C10orf90: variants seen among roughly 807,000 people sequenced by gnomAD.
C10orf90 encodes the protein (E2-independent) E3 ubiquitin-conjugating enzyme FATS.
In C10orf90, 56 loss-of-function variants were observed where a neutral mutation model predicts 62.5. The observed-to-expected ratio is 0.90, with a 90% CI of 0.72 to 1.12. C10orf90 has a LOEUF of 1.12. C10orf90 is among the 50% of genes most tolerant of loss of function. The probability of loss-of-function intolerance (pLI) is 0.00; values close to 1 mark genes in which losing one functional copy is unlikely to be tolerated. For synonymous variants in C10orf90, 386 were observed against 340.4 expected (o/e 1.13, Z -1.47); for missense variants, 970 against 880.4 (o/e 1.10, Z -1.29).
At chr10:126,458,004 C>T (rs1396943559) in intron 7 of C10orf90, among the ~76,000 whole-genome samples, 1 of 152,126 alleles carries the variant, frequency 6.6e-6, no homozygotes, top group African/African-American at 2.4e-5. Context: ...TATTTAGCCA[C>T]AGGGAAGGAT....
chr10:126,576,078 A>C (rs1336754939), intron 2 of C10orf90, among the ~76,000 whole-genome samples: 1 of 152,044 alleles, frequency 6.6e-6, no homozygotes, highest in African/African-American at 2.4e-5. Flanking sequence ...AAATGGGATT[A>C]TACAGCAAAC....
At position 126,436,024 on chromosome 10, in the gene C10orf90, A is replaced by T. The variant is rs71490769; in HGVS notation, c.2189-6174T>A. ...TAAGAGACAAAGGGTTCCCCATAAA[A>T]CCTATAGGAACTGCTAAGGAAGGCT... On this transcript the variant is annotated intron_variant, in intron 7 of 9. Transcript: ENST00000488181. 2.6e-5 allele frequency among the ~76,000 whole-genome samples: 4 copies of T among 152,164 alleles called. No homozygotes were observed. In the South Asian group the frequency reaches 8.3e-4, roughly 32 times the overall value.
At chr10:126,475,392 C>T (rs925783537) in intron 4 of C10orf90, among the ~76,000 whole-genome samples, 22 of 152,286 alleles carry the variant, frequency 1.4e-4, no homozygotes, top group Admixed American at 1.0e-3. Context: ...CTTGATGTTC[C>T]TAATCTTGAC....
Position 126,505,930 on chromosome 10 carries a change from G to A in C10orf90, c.406-845C>T, listed in dbSNP as rs1041783375. Among the ~76,000 whole-genome samples, 3 of 152,168 alleles carry A rather than the reference G, an allele frequency of 2.0e-5. No homozygotes were observed. The East Asian group carries it at 5.8e-4, about 29-fold the overall frequency. ...GATTGTGCCATTGCACTCCAGCCTAGGCACCAAGTGTGAAACTTCGTCTCT... is the reference window on the plus strand; with the variant it reads ...GATTGTGCCATTGCACTCCAGCCTAAGCACCAAGTGTGAAACTTCGTCTCT... On this transcript the variant is annotated intron_variant, in intron 3 of 9. Transcript: ENST00000488181.
chr10:126,438,382 C>A (rs572995335), intron 7 of C10orf90, among the ~76,000 whole-genome samples: 1 of 152,240 alleles, frequency 6.6e-6, no homozygotes, highest in African/African-American at 2.4e-5. Context: ...GTTTCCAAAG[C>A]AGACTATCAA....
chr10:126,560,172 A>G (rs1200188099), intron 2 of C10orf90, among the ~76,000 whole-genome samples: 1 of 152,158 alleles, frequency 6.6e-6, no homozygotes, highest in Non-Finnish European at 1.5e-5. Flanking sequence ...CTTGGCCAGC[A>G]AGAATTACTT....
intron 1 of C10orf90, among the ~76,000 whole-genome samples, chr10:126,665,833 G>A (rs72839101): frequency 6.6e-6 from 1 of 152,276 alleles, no homozygotes; most frequent in Non-Finnish European, 1.5e-5. Flanking sequence ...GAACTGCAAA[G>A]GAGAATTCCA....
At chr10:126,595,424 A>G (rs1180472272) in intron 2 of C10orf90, among the ~76,000 whole-genome samples, 1 of 152,212 alleles carries the variant, frequency 6.6e-6, no homozygotes, top group Non-Finnish European at 1.5e-5. Context: ...AAGTGACAGC[A>G]TCAGAAAAAG....
chr10:126,604,600 A>G (rs1206730871), intron 2 of C10orf90, among the ~76,000 whole-genome samples: 1 of 152,136 alleles, frequency 6.6e-6, no homozygotes, highest in African/African-American at 2.4e-5. Flanking sequence ...CCCCCAGCAA[A>G]GTTAATTTGG....
intron 7 of C10orf90, among the ~76,000 whole-genome samples, chr10:126,447,191 G>A (rs1231872728): frequency 6.6e-6 from 1 of 151,746 alleles, no homozygotes; most frequent in Non-Finnish European, 1.5e-5. Flanking sequence ...TACCTTGACT[G>A]TAAATAGATT....
At chr10:126,559,890 T>G (rs1864862649) in intron 2 of C10orf90, among the ~76,000 whole-genome samples, 1 of 152,344 alleles carries the variant, frequency 6.6e-6, no homozygotes, top group East Asian at 1.9e-4. Flanking sequence ...GAAATTCTAC[T>G]GAAATTAGAC....
intron 2 of C10orf90, among the ~76,000 whole-genome samples, chr10:126,575,629 C>T (rs551731210): frequency 5.5e-4 from 83 of 151,968 alleles, no homozygotes; most frequent in South Asian, 3.9e-3. Flanking sequence ...CCAAAGCAAT[C>T]CTGGTCAAAA....
rs113382429 is a variant in C10orf90, at chr10:126,548,811, C to A, written c.314-34872G>T. Among the ~76,000 whole-genome samples the A allele has an allele frequency of 1.7e-3, 260 of 148,606 alleles. 3 individuals carry two copies. Among genetic ancestry groups the A allele is most frequent in the African/African-American group, 6.3e-3 (251 of 40,134 alleles). The stretch of plus-strand genomic sequence containing the variant: ...AGGCTGGAGTGCTGTGTGGTGCTGG[C>A]AGAGGGACAGACCCAAATATTAATA... On this transcript the variant is annotated intron_variant, in intron 2 of 9. Transcript: ENST00000488181.
intron 1 of C10orf90, among the ~76,000 whole-genome samples, chr10:126,649,982 G>A (rs925186338): frequency 1.3e-5 from 2 of 151,998 alleles, no homozygotes; most frequent in Admixed American, 6.6e-5. Flanking sequence ...GGAGGGAGTG[G>A]GGAGGGAGGA....
At chr10:126,639,208 G>A (rs572574000) in intron 2 of C10orf90, among the ~76,000 whole-genome samples, 5 of 152,224 alleles carry the variant, frequency 3.3e-5, no homozygotes, top group South Asian at 4.1e-4. Context: ...AGGCTTGATC[G>A]GTGATTCAGA....
chr10:126,525,308 A>C (rs1863904329), intron 2 of C10orf90, among the ~76,000 whole-genome samples: 1 of 152,224 alleles, frequency 6.6e-6, no homozygotes, highest in Non-Finnish European at 1.5e-5. Flanking sequence ...AGAATTTGTC[A>C]CCTCAGATTC....
chr10:126,439,066 A>G (rs1057243897), intron 7 of C10orf90, among the ~76,000 whole-genome samples: 1 of 152,182 alleles, frequency 6.6e-6, no homozygotes, highest in Non-Finnish European at 1.5e-5. Context: ...CCAGTTCAAG[A>G]GAAACCCCCT....
intron 4 of C10orf90, among the ~76,000 whole-genome samples, chr10:126,497,323 G>A (rs1484737721): frequency 1.3e-5 from 2 of 152,082 alleles, no homozygotes; most frequent in African/African-American, 2.4e-5. Flanking sequence ...AGTAAACAAC[G>A]CAGGGAGGCT....
At chr10:126,586,369 G>A (rs190860184) in intron 2 of C10orf90, among the ~76,000 whole-genome samples, 1 of 152,334 alleles carries the variant, frequency 6.6e-6, no homozygotes, top group Non-Finnish European at 1.5e-5. Context: ...GCAAAAGAGC[G>A]TTTGCAACGC....
Sources: gnomAD v4.1 joint callset for allele counts (sites outside exome capture counted in the v4.1 genomes callset) on GRCh38, gnomAD v4.1.1 for gene constraint, MANE v1.5 for transcripts, NCBI Gene and HGNC (gene_info 2026-07-23, HGNC 2026-07-21) for gene names.